FGF10: variants seen among roughly 807,000 people sequenced by gnomAD.
FGF10 encodes FGF-10.
In FGF10, 2 loss-of-function variants were observed where a neutral mutation model predicts 19.8. That is an observed-to-expected ratio of 0.10 (90% CI 0.04 to 0.32). The LOEUF (loss-of-function observed/expected upper bound fraction) is 0.32. Ranked by LOEUF, FGF10 falls within the 10% of genes least tolerant of loss-of-function variation. The pLI is 1.00. For missense variants in FGF10, 191 were observed against 246.3 expected (o/e 0.78, Z 1.50); for synonymous variants, 112 against 94.0 (o/e 1.19, Z -1.10).
At chr5:44,377,668 A>G (rs1377583952) in intron 1 of FGF10, among the ~76,000 whole-genome samples, 1 of 152,154 alleles carries the variant, frequency 6.6e-6, no homozygotes, top group East Asian at 1.9e-4. Flanking sequence ...GTTTTCAAAT[A>G]CAGGTTGAGT....
intron 1 of FGF10, among the ~76,000 whole-genome samples, chr5:44,363,355 GA>G (rs1741534582): frequency 6.6e-6 from 1 of 151,824 alleles, no homozygotes; most frequent in Non-Finnish European, 1.5e-5. Flanking sequence ...TGGAAGAAAT[GA>G]AATGGGAATT....
intron 1 of FGF10, among the ~76,000 whole-genome samples, chr5:44,368,798 T>G (rs1741678692): frequency 6.6e-6 from 1 of 152,050 alleles, no homozygotes; most frequent in Non-Finnish European, 1.5e-5. Flanking sequence ...CTCGAGTAGC[T>G]AGGACTACCA....
chr5:44,323,654 T>G (rs1740547149), intron 1 of FGF10, among the ~76,000 whole-genome samples: 1 of 152,188 alleles, frequency 6.6e-6, no homozygotes, highest in Non-Finnish European at 1.5e-5. Context: ...ACACTTTTAT[T>G]AAGTCTTGAG....
chr5:44,334,893 A>G (rs1740813095), intron 1 of FGF10, among the ~76,000 whole-genome samples: 1 of 152,142 alleles, frequency 6.6e-6, no homozygotes, highest in African/African-American at 2.4e-5. Context: ...AATCATGAGT[A>G]AGCATAAGAT....
intron 1 of FGF10, among the ~76,000 whole-genome samples, chr5:44,366,066 C>T (rs780267916): frequency 1.9e-4 from 28 of 150,440 alleles, no homozygotes; most frequent in Non-Finnish European, 2.5e-4. Context: ...TTATAATATT[C>T]CCAGATTTTA....
At chr5:44,377,321 A>G (rs1741888996) in intron 1 of FGF10, among the ~76,000 whole-genome samples, 1 of 152,118 alleles carries the variant, frequency 6.6e-6, no homozygotes, top group African/African-American at 2.4e-5. Flanking sequence ...TCCTCTTTCT[A>G]CTTCTAGACT....
chr5:44,340,123 A>G (rs745714134), intron 1 of FGF10, among the ~76,000 whole-genome samples: 2 of 152,106 alleles, frequency 1.3e-5, no homozygotes, highest in Non-Finnish European at 2.9e-5. Context: ...TTGGACAGTT[A>G]AGGAGAAATG....
intron 1 of FGF10, among the ~76,000 whole-genome samples, chr5:44,357,278 C>A (rs1741371073): frequency 6.6e-6 from 1 of 151,392 alleles, no homozygotes; most frequent in African/African-American, 2.4e-5. Context: ...GAATCTTAAA[C>A]CCTGAAAGAT....
At chr5:44,357,136 C>A (rs1348914192) in intron 1 of FGF10, among the ~76,000 whole-genome samples, 1 of 151,244 alleles carries the variant, frequency 6.6e-6, no homozygotes, top group Non-Finnish European at 1.5e-5. Flanking sequence ...AAACAACATT[C>A]TAATGTAATT....
At chr5:44,377,820 A>G (rs1188988456) in intron 1 of FGF10, among the ~76,000 whole-genome samples, 1 of 152,208 alleles carries the variant, frequency 6.6e-6, no homozygotes, top group Non-Finnish European at 1.5e-5. Flanking sequence ...GTTTACATAC[A>G]CACAGCCTGG....
intron 1 of FGF10, among the ~76,000 whole-genome samples, chr5:44,311,991 A>G (rs1230622335): frequency 6.6e-6 from 1 of 151,966 alleles, no homozygotes; most frequent in Non-Finnish European, 1.5e-5. Flanking sequence ...ATAACCAGAG[A>G]CTTTGCCAAG....
chr5:44,316,693 G>C (rs1162108023), intron 1 of FGF10, among the ~76,000 whole-genome samples: 1 of 152,094 alleles, frequency 6.6e-6, no homozygotes, highest in East Asian at 1.9e-4. Flanking sequence ...TTAACAACAA[G>C]AAAAATTTTA....
chr5:44,333,221 T>C (rs1740776634), intron 1 of FGF10, among the ~76,000 whole-genome samples: 1 of 152,184 alleles, frequency 6.6e-6, no homozygotes, highest in African/African-American at 2.4e-5. Context: ...TTTTGTGTAT[T>C]TTATTACAGA....
At chr5:44,378,612 T>C (rs1741919304) in intron 1 of FGF10, among the ~76,000 whole-genome samples, 1 of 152,136 alleles carries the variant, frequency 6.6e-6, no homozygotes. Context: ...TTTGTATTTT[T>C]AGTAGAGACG....
rs1329980222 is a variant in FGF10 at position 44,303,285 on chromosome 5, T to C, written c.*1710A>G. Among the ~76,000 whole-genome samples, 2 of 152,186 alleles carry C rather than the reference T, an allele frequency of 1.3e-5. No individual in the cohort carries two copies. The highest frequency in any genetic ancestry group is 2.9e-5 in the Non-Finnish European group (2 of 68,028). ...TAACAGATTAACTGGAAGTGCTGGTTAAGTATTGACACAAATAAGTTTGTT... is the reference window on the plus strand; with the variant it reads ...TAACAGATTAACTGGAAGTGCTGGTCAAGTATTGACACAAATAAGTTTGTT... On this transcript the variant is annotated 3_prime_UTR_variant, in exon 3 of 3. Coordinates refer to ENST00000264664, the MANE Select transcript of FGF10 (RefSeq NM_004465.2).
intron 1 of FGF10, among the ~76,000 whole-genome samples, chr5:44,370,476 C>T (rs1253527831): frequency 6.6e-6 from 1 of 152,016 alleles, no homozygotes; most frequent in African/African-American, 2.4e-5. Flanking sequence ...TATCTCGTTC[C>T]CTTGCACTGG....
Position 44,302,455 on chromosome 5 carries a change from C to T in FGF10, c.*2540G>A, listed in dbSNP as rs1739987829. Among the ~76,000 whole-genome samples, 1 of 151,934 alleles carries T rather than the reference C, an allele frequency of 6.6e-6. No homozygotes were observed. Among genetic ancestry groups the T allele is most frequent in the African/African-American group, 2.4e-5 (1 of 41,378 alleles). ...CTCACTGCAGCCTCAAACTCCTGGGCCCAAGAGATCCTTCCGTTTCAGCCT... is the reference window on the plus strand; with the variant it reads ...CTCACTGCAGCCTCAAACTCCTGGGTCCAAGAGATCCTTCCGTTTCAGCCT... On this transcript the variant is annotated 3_prime_UTR_variant, in exon 3 of 3. Transcript: ENST00000264664.
In FGF10 at chr5:44,360,662, C is replaced by A. The variant is rs535731885; in HGVS notation, c.325+27696G>T. 4.0e-5 allele frequency among the ~76,000 whole-genome samples: 6 copies of A among 151,780 alleles called. No individual in the cohort carries two copies. The South Asian group carries it at 1.2e-3, about 31-fold the overall frequency. On this transcript the variant is annotated intron_variant, in intron 1 of 2. Coordinates refer to ENST00000264664, the MANE Select transcript of FGF10 (RefSeq NM_004465.2). Reference sequence around the variant, plus strand: ...TTATAGGTACTTATCAGAATACTAGCTGTCTTGTTTTCTAAATTTAATTGC... The same window carrying A: ...TTATAGGTACTTATCAGAATACTAGATGTCTTGTTTTCTAAATTTAATTGC...
At chr5:44,322,898 A>T (rs889820965) in intron 1 of FGF10, among the ~76,000 whole-genome samples, 3 of 152,120 alleles carry the variant, frequency 2.0e-5, no homozygotes, top group Non-Finnish European at 4.4e-5. Context: ...CAATAAAAGT[A>T]ATGTGACTGA....
Sources: allele counts gnomAD v4.1 joint callset (sites outside exome capture counted in the v4.1 genomes callset), GRCh38; gene constraint gnomAD v4.1.1; transcripts MANE v1.5; gene names NCBI Gene and HGNC (gene_info 2026-07-23, HGNC 2026-07-21).